Variants in MPC2 observed in about 807,000 individuals in gnomAD.
MPC2 encodes brain protein 44.
A neutral mutation model predicts 19.2 loss-of-function variants in MPC2; 19 were observed. That is an observed-to-expected ratio of 0.99 (90% CI 0.69 to 1.45). The LOEUF is 1.45. Ranked by LOEUF, MPC2 falls within the 40% of genes most tolerant of loss-of-function variation. The pLI, the probability that MPC2 is intolerant of heterozygous loss-of-function variation, is 0.00. For missense variants in MPC2, 122 were observed against 153.0 expected, an observed-to-expected ratio of 0.80 and a Z score of 1.07; for synonymous variants, 61 against 54.3, an observed-to-expected ratio of 1.12 and a Z score of -0.54.
intron 2 of MPC2, among the ~76,000 whole-genome samples, chr1:167,930,912 C>CA (rs775389079): frequency 7.2e-5 from 11 of 152,196 alleles, no homozygotes; most frequent in African/African-American, 9.7e-5. Context: ...GGATAGCACA[C>CA]AAAAAATATG....
intron 2 of MPC2, among the ~76,000 whole-genome samples, chr1:167,926,935 C>T (rs1241141905): frequency 6.6e-6 from 1 of 152,192 alleles, no homozygotes; most frequent in Non-Finnish European, 1.5e-5. Flanking sequence ...GGCTAAATTG[C>T]TCCTTCTCTT....
intron 5 of MPC2, among the ~76,000 whole-genome samples, chr1:167,918,713 C>T (rs1378327961): frequency 6.6e-6 from 1 of 151,458 alleles, no homozygotes; most frequent in Non-Finnish European, 1.5e-5. Context: ...CCTGCCTCAG[C>T]CCCCCGAGTA....
chr1:167,931,607 A>G (rs1452648865), intron 2 of MPC2, among the ~76,000 whole-genome samples: 1 of 152,054 alleles, frequency 6.6e-6, no homozygotes, highest in Admixed American at 6.5e-5. Context: ...CTTCACTGAC[A>G]ATCTGTGGCA....
At chr1:167,932,583 T>G (rs1460714137) in intron 2 of MPC2, among the ~76,000 whole-genome samples, 1 of 151,614 alleles carries the variant, frequency 6.6e-6, no homozygotes, top group Non-Finnish European at 1.5e-5. Context: ...CCAAGGCAGG[T>G]GGATCACCTG....
At chr1:167,927,168 ATCC>A in intron 2 of MPC2, among the ~76,000 whole-genome samples, 1 of 152,344 alleles carries the variant, frequency 6.6e-6, no homozygotes, top group East Asian at 1.9e-4. Flanking sequence ...ACACTGCTTC[ATCC>A]TCAAGGCTGG....
At chr1:167,926,548 C>A (rs929357953) in intron 2 of MPC2, among the ~76,000 whole-genome samples, 2 of 152,208 alleles carry the variant, frequency 1.3e-5, no homozygotes, top group Non-Finnish European at 2.9e-5. Flanking sequence ...GCCAAGTCAG[C>A]GGTTCTCAAC....
rs942142797 is a variant in MPC2 at position 167,924,680 on chromosome 1, T to C, written c.110-143A>G. 11 of 585,452 alleles carry C rather than the reference T, an allele frequency of 1.9e-5. No individual in the cohort carries two copies. The African/African-American group carries it at 1.9e-4, about 10-fold the overall frequency. The allele number at this position is 585,452 out of a possible 1,614,324, so 36.3% of individuals were successfully genotyped here. A position where few individuals can be genotyped will look rare whatever the true frequency, so the allele number is the denominator to read the frequency against. ...TTTACTATGCTTTTTGCATACTTTG[T>C]ATTTCAGTTAACATTTAGAGAGGCA... On this transcript the variant is annotated intron_variant, in intron 2 of 5. Coordinates refer to ENST00000271373, the MANE Select transcript of MPC2 (RefSeq NM_001143674.4).
chr1:167,927,409 A>G (rs117091626), intron 2 of MPC2, among the ~76,000 whole-genome samples: 1 of 152,310 alleles, frequency 6.6e-6, no homozygotes, highest in East Asian at 1.9e-4. Context: ...TGTCATACAC[A>G]GTGTCTCTGG....
chr1:167,936,883 C>T (rs769488065), intron 1 of MPC2, 56 bp downstream of exon 1: 2 of 1,267,736 alleles, frequency 1.6e-6, no homozygotes, highest in South Asian at 1.3e-5. Flanking sequence ...ACGCGGTGGT[C>T]TCCCCTCCCA....
intron 2 of MPC2, among the ~76,000 whole-genome samples, chr1:167,929,262 G>A (rs1264163198): frequency 6.6e-6 from 1 of 152,172 alleles, no homozygotes; most frequent in Admixed American, 6.5e-5. Flanking sequence ...GGAAGGTTGA[G>A]GCAGGGGAAT....
intron 2 of MPC2, among the ~76,000 whole-genome samples, chr1:167,932,485 A>G (rs558112764): frequency 6.6e-6 from 1 of 152,220 alleles, no homozygotes; most frequent in African/African-American, 2.4e-5. Context: ...CTCCACTGAT[A>G]ATTTTTTTGT....
chr1:167,930,979 T>C lies in MPC2; in HGVS notation c.109+4754A>G, dbSNP rs554819663. ...AATCTGCTCTGTTGCCCAGGCTGGATTGAGTGCAGTGGCACGATCTTGGCT... is the reference window on the plus strand; with the variant it reads ...AATCTGCTCTGTTGCCCAGGCTGGACTGAGTGCAGTGGCACGATCTTGGCT... On this transcript the variant is annotated intron_variant, in intron 2 of 5. Transcript: ENST00000271373. 1.2e-3 allele frequency among the ~76,000 whole-genome samples: 188 copies of C among 152,320 alleles called. 1 individual carries two copies. The highest frequency in any genetic ancestry group is 1.7e-3 in the Non-Finnish European group (113 of 68,018).
In MPC2 at chr1:167,936,935, A is replaced by G. The variant is rs747878751; in HGVS notation, c.-58+4T>C. ...CCATGTCTCGGGGTGGCTCCTACCCACACCTGTTGTGGGACGTGAGGAAAA... is the reference window on the plus strand; with the variant it reads ...CCATGTCTCGGGGTGGCTCCTACCCGCACCTGTTGTGGGACGTGAGGAAAA... On this transcript the variant is annotated splice_donor_region_variant and intron_variant, in intron 1 of 5. Coordinates refer to ENST00000271373, the MANE Select transcript of MPC2 (RefSeq NM_001143674.4). 1.3e-5 allele frequency: 21 copies of G among 1,606,794 alleles called. No individual in the cohort carries two copies. The South Asian group carries it at 2.3e-4, about 18-fold the overall frequency.
At chr1:167,930,388 G>C (rs1299111990) in intron 2 of MPC2, among the ~76,000 whole-genome samples, 1 of 152,070 alleles carries the variant, frequency 6.6e-6, no homozygotes, top group Non-Finnish European at 1.5e-5. Flanking sequence ...ATCTACTGTA[G>C]GCACTCATAA....
Position 167,936,951 on chromosome 1 carries a change from G to T in MPC2, c.-70C>A. The T allele has an allele frequency of 6.2e-7, 1 of 1,610,786 alleles. No individual in the cohort carries two copies. Among genetic ancestry groups the T allele is most frequent in the Non-Finnish European group, 8.5e-7 (1 of 1,179,120 alleles). ...CTCCTACCCACACCTGTTGTGGGAC[G>T]TGAGGAAAAGGTCCCTCGGGCTGGA... On this transcript the variant is annotated 5_prime_UTR_variant, in exon 1 of 6. Coordinates refer to ENST00000271373, the MANE Select transcript of MPC2 (RefSeq NM_001143674.4).
intron 2 of MPC2, among the ~76,000 whole-genome samples, chr1:167,928,777 G>A (rs1180562389): frequency 1.3e-5 from 2 of 152,124 alleles, no homozygotes; most frequent in African/African-American, 4.8e-5. Flanking sequence ...ATTAGAATAA[G>A]CAGAAGTATA....
chr1:167,936,687 G>T, intron 1 of MPC2: 1 of 514,978 alleles, frequency 1.9e-6, no homozygotes, highest in East Asian at 3.5e-5. Context: ...ATCTTTGGAT[G>T]TTCTGGTTAG....
chr1:167,936,067 C>G, intron 1 of MPC2, 169 bp from the exon 2 acceptor site: 1 of 583,934 alleles, frequency 1.7e-6, no homozygotes, highest in Non-Finnish European at 3.1e-6. Flanking sequence ...AGCCCCCGGT[C>G]CGCCTCCGGC....
chr1:167,925,315 C>T (rs943995828), intron 2 of MPC2, among the ~76,000 whole-genome samples: 1 of 150,994 alleles, frequency 6.6e-6, no homozygotes, highest in African/African-American at 2.4e-5. Context: ...ACCCCTATTA[C>T]CTAATAGAAT....
Sources: gnomAD v4.1 joint callset for allele counts (sites outside exome capture counted in the v4.1 genomes callset) on GRCh38, gnomAD v4.1.1 for gene constraint, MANE v1.5 for transcripts, NCBI Gene and HGNC (gene_info 2026-07-23, HGNC 2026-07-21) for gene names.